The following PALD1 variants were observed in gnomAD, a reference collection of about 807,000 sequenced individuals.
The protein encoded by PALD1 is paladin.
In PALD1, 57 loss-of-function variants were observed where a neutral mutation model predicts 96.0. The observed-to-expected ratio is 0.59, with a 90% confidence interval of 0.48 to 0.74. PALD1 has a LOEUF of 0.74. Among genes scored for constraint, PALD1 ranks in the 30% least tolerant of loss-of-function variants. The pLI is 0.00. For synonymous variants in PALD1, 464 were observed against 473.6 expected (o/e 0.98, Z 0.26); for missense variants, 1,063 against 1,143.7 (o/e 0.93, Z 1.02).
intron 1 of PALD1, among the ~76,000 whole-genome samples, chr10:70,516,922 G>A (rs536374553): frequency 1.2e-4 from 18 of 151,948 alleles, no homozygotes; most frequent in African/African-American, 4.1e-4. Flanking sequence ...TCAGAATCCG[G>A]TATGTATGTT....
At chr10:70,552,895 C>T (rs1409219902) in intron 18 of PALD1, among the ~76,000 whole-genome samples, 4 of 152,150 alleles carry the variant, frequency 2.6e-5, no homozygotes, top group African/African-American at 4.8e-5. Flanking sequence ...TTCTCCTTTT[C>T]CCCCCTGAAA....
chr10:70,532,410 C>T (rs1202092004), intron 5 of PALD1, among the ~76,000 whole-genome samples: 1 of 152,210 alleles, frequency 6.6e-6, no homozygotes, highest in Non-Finnish European at 1.5e-5. Context: ...GGGCAGAGCC[C>T]TCCTGCCTTG....
At chr10:70,510,745 G>A (rs1355564580) in intron 1 of PALD1, among the ~76,000 whole-genome samples, 1 of 152,252 alleles carries the variant, frequency 6.6e-6, no homozygotes, top group African/African-American at 2.4e-5. Flanking sequence ...GATGCAGAGA[G>A]GCTTGTGGTC....
chr10:70,539,218 G>A lies in PALD1; in HGVS notation c.1696G>A (p.Gly566Arg). The change falls in exon 14 of 20, where the codon GGG (glycine) becomes AGG (arginine). Residue 566 changes from glycine (G) to arginine (R), a missense_variant. Gly to Arg is a moderately radical substitution (Grantham distance 125). Coordinates refer to ENST00000263563, the MANE Select transcript of PALD1 (RefSeq NM_014431.3). This position sits in a 1 kb window ranked among gnomAD's most constrained non-coding sequence, Gnocchi z 4.5. ...GCACACCTACAGCCTGCGGTGGCCT[G>A]GGCCCCCTGTGGCTCCTGACCAGCT... is the stretch of plus-strand genomic sequence containing the variant. ...DGHTYSLRWP[G>R]PPVAPDQLET... is the part of the protein sequence containing the mutation. The A allele has an allele frequency of 6.2e-7, 1 of 1,611,848 alleles. No homozygotes were observed. The highest frequency in any genetic ancestry group is 8.5e-7 in the Non-Finnish European group (1 of 1,179,172).
chr10:70,565,763 C>T (rs1847835189), intron 19 of PALD1, among the ~76,000 whole-genome samples: 1 of 152,166 alleles, frequency 6.6e-6, no homozygotes, highest in Non-Finnish European at 1.5e-5. Context: ...GGCTCAGCTT[C>T]CTCTGCGAGC....
chr10:70,513,163 C>T (rs1846548477), intron 1 of PALD1, among the ~76,000 whole-genome samples: 1 of 152,152 alleles, frequency 6.6e-6, no homozygotes, highest in African/African-American at 2.4e-5. Flanking sequence ...TTTTAACCCC[C>T]ATTTTTTTAT....
intron 1 of PALD1, among the ~76,000 whole-genome samples, chr10:70,525,175 A>ATTT (rs35568945): frequency 0.011 from 1,530 of 137,170 alleles, 31 homozygotes; most frequent in African/African-American, 0.039. Context: ...CTAATTTTGT[A>ATTT]TTTTTTTTTT....
At chr10:70,484,472 T>C (rs1020946266) in intron 1 of PALD1, among the ~76,000 whole-genome samples, 2 of 152,152 alleles carry the variant, frequency 1.3e-5, no homozygotes, top group East Asian at 3.8e-4. Flanking sequence ...AAAACCCATA[T>C]ACTTTTTTTA....
At chr10:70,478,338 G>T (rs1263788728), upstream of PALD1, among the ~76,000 whole-genome samples, 1 of 152,164 alleles carries the variant, frequency 6.6e-6, no homozygotes, top group Non-Finnish European at 1.5e-5. Context: ...TGCTGGGCTC[G>T]GTCCCGCCGA....
chr10:70,510,730 C>T (rs1429017813), intron 1 of PALD1, among the ~76,000 whole-genome samples: 1 of 152,240 alleles, frequency 6.6e-6, no homozygotes, highest in Non-Finnish European at 1.5e-5. Flanking sequence ...AGAGACTGCC[C>T]TCCAGATGCA....
intron 1 of PALD1, among the ~76,000 whole-genome samples, chr10:70,484,964 C>T (rs1845992970): frequency 6.6e-6 from 1 of 152,262 alleles, no homozygotes; most frequent in Middle Eastern, 3.4e-3. Context: ...CAAAGTTAAA[C>T]AAATTGTAAA....
chr10:70,549,461 T>C (rs1564708009), intron 18 of PALD1, among the ~76,000 whole-genome samples: 2 of 152,246 alleles, frequency 1.3e-5, no homozygotes, highest in South Asian at 2.1e-4. Flanking sequence ...CAGCCCTCGA[T>C]GTCCACTGCG....
rs576097758 is a variant in PALD1 at position 70,489,953 on chromosome 10, C to T, written c.-30+10894C>T. Among the ~76,000 whole-genome samples, 7 of 151,428 alleles carry T rather than the reference C, an allele frequency of 4.6e-5. No homozygotes were observed. In the South Asian group the frequency reaches 1.5e-3, roughly 32 times the overall value. ...TCTTTTTTTTCTTGAGATGGAGTCT[C>T]GCTCTGTTGCCCAGTCTGGAGTATA... On this transcript the variant is annotated intron_variant, in intron 1 of 19. Coordinates refer to ENST00000263563, the MANE Select transcript of PALD1 (RefSeq NM_014431.3).
chr10:70,488,184 C>G (rs1010564954), intron 1 of PALD1, among the ~76,000 whole-genome samples: 4 of 151,534 alleles, frequency 2.6e-5, no homozygotes, highest in Admixed American at 1.3e-4. Context: ...TGAAGTGGCT[C>G]AGGGTCGACT....
intron 1 of PALD1, among the ~76,000 whole-genome samples, chr10:70,496,555 T>A (rs1376493251): frequency 6.6e-6 from 1 of 152,220 alleles, no homozygotes; most frequent in African/African-American, 2.4e-5. Context: ...TCATTCCACA[T>A]CAGCCCTGAG....
At position 70,539,042 on chromosome 10, in the gene PALD1, G is replaced by A. The variant is rs538934135; in HGVS notation, c.1569+34G>A. Reference sequence around the variant, plus strand: ...CCCTCAGGGCCTGGGTCCCCCAGTGGGTTTGGGGAGGGAGGGCTGAGCACT... The same window carrying A: ...CCCTCAGGGCCTGGGTCCCCCAGTGAGTTTGGGGAGGGAGGGCTGAGCACT... On this transcript the variant is annotated intron_variant, in intron 13 of 19. Transcript: ENST00000263563. This position sits in a 1 kb window ranked among gnomAD's most constrained non-coding sequence, Gnocchi z 4.5. The A allele has an allele frequency of 6.2e-7, 1 of 1,613,444 alleles. No individual in the cohort carries two copies. Among genetic ancestry groups the A allele is most frequent in the East Asian group, 2.2e-5 (1 of 44,880 alleles).
chr10:70,513,331 CA>C (rs796941984), intron 1 of PALD1, among the ~76,000 whole-genome samples: 7 of 151,032 alleles, frequency 4.6e-5, no homozygotes, highest in Non-Finnish European at 8.8e-5. Flanking sequence ...CCCATCTCTG[CA>C]AAAAAAATAA....
At chr10:70,533,894 G>T in intron 7 of PALD1, 28 bp from the exon 8 acceptor site, 1 of 1,543,170 alleles carries the variant, frequency 6.5e-7, no homozygotes. Flanking sequence ...TGGTCTCACT[G>T]GGGCCTGATC....
At chr10:70,504,826 A>G (rs571060778) in intron 1 of PALD1, among the ~76,000 whole-genome samples, 18 of 152,348 alleles carry the variant, frequency 1.2e-4, no homozygotes, top group African/African-American at 4.1e-4. Context: ...AAAGGGAGGA[A>G]TATTTTATTA....
Sources: allele counts gnomAD v4.1 joint callset (sites outside exome capture counted in the v4.1 genomes callset), GRCh38; gene constraint gnomAD v4.1.1; non-coding constraint Gnocchi (gnomAD v3.1); transcripts MANE v1.5; gene names NCBI Gene and HGNC (gene_info 2026-07-23, HGNC 2026-07-21).